Variants in ERICH1 observed in about 807,000 individuals in gnomAD.
The protein encoded by ERICH1 is glutamate-rich protein 1.
Under a neutral mutation model 39.6 loss-of-function variants are expected in ERICH1, and 56 were observed. The ratio of observed to expected loss-of-function variants is 1.41; its 90% CI spans 1.14 to 1.77. The LOEUF (loss-of-function observed/expected upper bound fraction) is 1.77, where lower values mean the gene tolerates loss of function less well. Among genes scored for constraint, ERICH1 ranks in the 40% most tolerant of loss-of-function variants. ERICH1 has a pLI of 0.00. For synonymous variants in ERICH1, 313 were observed against 223.6 expected (o/e 1.40, Z -3.57); for missense variants, 826 against 575.4 (o/e 1.44, Z -4.45).
At chr8:650,722 C>A (rs1799840999) in intron 3 of ERICH1, among the ~76,000 whole-genome samples, 1 of 152,316 alleles carries the variant, frequency 6.6e-6, no homozygotes, top group South Asian at 2.1e-4. Flanking sequence ...TGCAGCCACC[C>A]CGCAGCACAC....
At chr8:618,584 G>C (rs1019196270) in intron 3 of ERICH1, among the ~76,000 whole-genome samples, 1 of 152,182 alleles carries the variant, frequency 6.6e-6, no homozygotes, top group Non-Finnish European at 1.5e-5. Context: ...GTCTTTCAGA[G>C]ACCTTGGGCA....
chr8:702,350 G>C (rs530099808), intron 2 of ERICH1, among the ~76,000 whole-genome samples: 2 of 152,160 alleles, frequency 1.3e-5, no homozygotes, highest in Non-Finnish European at 2.9e-5. Flanking sequence ...GGCGAGTCAA[G>C]TGAGCACACA....
intron 2 of ERICH1, among the ~76,000 whole-genome samples, chr8:699,869 T>A (rs145662345): frequency 5.1e-5 from 1 of 19,800 alleles, no homozygotes; most frequent in Non-Finnish European, 9.7e-5. Flanking sequence ...GCACAGACCC[T>A]CACAGGCGCA....
intron 1 of ERICH1, among the ~76,000 whole-genome samples, chr8:729,901 T>G (rs991710985): frequency 1.3e-5 from 2 of 151,644 alleles, no homozygotes; most frequent in Non-Finnish European, 2.9e-5. Flanking sequence ...CTTAGAAGAG[T>G]GCAAACATTT....
intron 2 of ERICH1, 103 bp downstream of exon 2, chr8:715,758 G>T: frequency 6.7e-7 from 1 of 1,483,384 alleles, no homozygotes; most frequent in Non-Finnish European, 9.1e-7. Flanking sequence ...CAGACCTGCA[G>T]ACAGATGCCC....
At chr8:620,381 A>C (rs1271839978) in intron 3 of ERICH1, among the ~76,000 whole-genome samples, 1 of 152,216 alleles carries the variant, frequency 6.6e-6, no homozygotes, top group African/African-American at 2.4e-5. Flanking sequence ...ATAATCAATA[A>C]AAATAATATT....
At chr8:665,949 G>A (rs1219032674) in intron 5 of ERICH1, 1 of 152,192 alleles carries the variant, frequency 6.6e-6, no homozygotes, top group Admixed American at 6.5e-5. Context: ...AACTCGTATA[G>A]GCCAAGTCTG....
At chr8:716,083 T>C (rs1373351823) in intron 1 of ERICH1, 76 bp from the exon 2 acceptor site, 2 of 1,501,456 alleles carry the variant, frequency 1.3e-6, no homozygotes, top group Non-Finnish European at 1.8e-6. Context: ...CACGTGACTT[T>C]TACTCTACAC....
downstream of ERICH1, among the ~76,000 whole-genome samples, chr8:662,444 T>C (rs993997645): frequency 1.3e-5 from 2 of 150,310 alleles, no homozygotes; most frequent in African/African-American, 4.9e-5. Flanking sequence ...AGGTCGGGAG[T>C]TCAAGACCAG....
At chr8:631,141 G>C (rs529007773) in intron 3 of ERICH1, among the ~76,000 whole-genome samples, 1 of 152,382 alleles carries the variant, frequency 6.6e-6, no homozygotes, top group African/African-American at 2.4e-5. Flanking sequence ...ATGAGGCAGA[G>C]GTGACTCACA....
chr8:654,522 G>C (rs1412571661), intron 3 of ERICH1, among the ~76,000 whole-genome samples: 8 of 152,120 alleles, frequency 5.3e-5, no homozygotes, highest in Admixed American at 4.6e-4. Context: ...TATGTTTTAT[G>C]TACTTTTCTA....
chr8:699,811 A>ACCC, intron 2 of ERICH1, among the ~76,000 whole-genome samples: 1 of 65,238 alleles, frequency 1.5e-5, no homozygotes, highest in African/African-American at 4.4e-5. Context: ...ACGCGCACAG[A>ACCC]TCCGCACAAG....
intron 3 of ERICH1, chr8:625,601 TTAAA>T (rs1797560316): frequency 6.6e-6 from 1 of 152,208 alleles, no homozygotes; most frequent in African/African-American, 2.4e-5. Context: ...ATTACACACT[TTAAA>T]TAAGTGAATT....
intron 1 of ERICH1, among the ~76,000 whole-genome samples, chr8:720,256 C>T (rs573715582): frequency 4.6e-5 from 7 of 152,168 alleles, no homozygotes; most frequent in African/African-American, 7.2e-5. Context: ...GAGGTGCCCA[C>T]GAGGAAGGAC....
intron 1 of ERICH1, among the ~76,000 whole-genome samples, chr8:728,440 C>T (rs62484222): frequency 0.016 from 2,405 of 152,278 alleles, 28 homozygotes; most frequent in Middle Eastern, 0.037. Flanking sequence ...CCTCACCCAT[C>T]GCAGCAGGCC....
rs904561382 is a variant in ERICH1, at chr8:664,359, G to C, written c.*244C>G. 8.7e-7 allele frequency: 1 copy of C among 1,143,906 alleles called. No homozygotes were observed. The highest frequency in any genetic ancestry group is 1.6e-5 in the African/African-American group (1 of 62,528). The allele number at this position is 1,143,906 out of a possible 1,614,324, so 70.9% of individuals were successfully genotyped here. The stretch of plus-strand genomic sequence containing the variant: ...AATTTTTACAATAAGTAGAGAAACA[G>C]AATCAAGTTTTATGTAGTAATTCAA... On this transcript the variant is annotated 3_prime_UTR_variant, in exon 6 of 6. Coordinates refer to ENST00000262109, the MANE Select transcript of ERICH1 (RefSeq NM_207332.3).
At chr8:683,152 G>A (rs146380300) in intron 3 of ERICH1, among the ~76,000 whole-genome samples, 128 of 152,330 alleles carry the variant, frequency 8.4e-4, no homozygotes, top group African/African-American at 2.9e-3. Flanking sequence ...TCCTGCCCCG[G>A]GCAGGGTGGT....
At chr8:695,910 G>A (rs1482406278) in intron 2 of ERICH1, among the ~76,000 whole-genome samples, 8 of 85,186 alleles carry the variant, frequency 9.4e-5, no homozygotes, top group African/African-American at 4.9e-4. Flanking sequence ...GCCTGCACTC[G>A]CTCCTCTCAC....
At chr8:639,695 C>A (rs13260003) in intron 3 of ERICH1, among the ~76,000 whole-genome samples, 3 of 125,874 alleles carry the variant, frequency 2.4e-5, no homozygotes, top group Admixed American at 1.7e-4. Flanking sequence ...CACGACCAAG[C>A]ACCCTGGATT....
Sources: gnomAD v4.1 joint callset for allele counts (sites outside exome capture counted in the v4.1 genomes callset) on GRCh38, gnomAD v4.1.1 for gene constraint, MANE v1.5 for transcripts, NCBI Gene and HGNC (gene_info 2026-07-23, HGNC 2026-07-21) for gene names.